The following SH3GL2 variants were observed in gnomAD, a reference collection of about 807,000 sequenced individuals.
SH3GL2 encodes SH3 domain containing GRB2 like 2, endophilin A1, also known as endophilin-A1.
Under a neutral mutation model 46.0 loss-of-function variants are expected in SH3GL2, and 24 were observed. That is an observed-to-expected ratio of 0.52 (90% CI 0.38 to 0.73). The LOEUF is 0.73. SH3GL2 is among the 30% of genes least tolerant of loss of function. SH3GL2 has a pLI of 0.00. For synonymous variants in SH3GL2, 196 were observed against 147.1 expected (o/e 1.33, Z -2.40); for missense variants, 413 against 424.2 (o/e 0.97, Z 0.23).
intron 1 of SH3GL2, among the ~76,000 whole-genome samples, chr9:17,692,649 A>AAT (rs1173737606): frequency 6.6e-6 from 1 of 151,886 alleles, no homozygotes; most frequent in Non-Finnish European, 1.5e-5. Context: ...ATCTCAAAAA[A>AAT]AAAAATTACT....
intron 1 of SH3GL2, among the ~76,000 whole-genome samples, chr9:17,708,003 A>C (rs1020923778): frequency 6.6e-6 from 1 of 152,092 alleles, no homozygotes; most frequent in Non-Finnish European, 1.5e-5. Flanking sequence ...TGATGTCCCC[A>C]TTATTGTAAA....
At chr9:17,664,692 T>C (rs1191334113) in intron 1 of SH3GL2, among the ~76,000 whole-genome samples, 1 of 151,356 alleles carries the variant, frequency 6.6e-6, no homozygotes, top group Non-Finnish European at 1.5e-5. Flanking sequence ...TATAGAAATA[T>C]TCTATAATAT....
chr9:17,733,863 C>A (rs979471693), intron 1 of SH3GL2, among the ~76,000 whole-genome samples: 1 of 138,808 alleles, frequency 7.2e-6, no homozygotes, highest in East Asian at 2.6e-4. Context: ...AGTAAACTAT[C>A]GCAAGAACAA....
intron 7 of SH3GL2, 41 bp from the exon 8 acceptor site, chr9:17,793,326 C>G: frequency 6.4e-7 from 1 of 1,566,128 alleles, no homozygotes; most frequent in Non-Finnish European, 8.7e-7. Flanking sequence ...TACTTCTTAA[C>G]TGGTTACATA....
At chr9:17,738,559 TACATACATATATATATAGAGAG>T (rs1822415422) in intron 1 of SH3GL2, among the ~76,000 whole-genome samples, 2 of 22,624 alleles carry the variant, frequency 8.8e-5, no homozygotes, top group African/African-American at 1.8e-4. Flanking sequence ...TGTGTGTATA[TACATACATATATATATAGAGAG>T]AGAGAGAGAG....
intron 1 of SH3GL2, among the ~76,000 whole-genome samples, chr9:17,611,911 A>G (rs576342686): frequency 1.3e-5 from 2 of 152,216 alleles, no homozygotes; most frequent in African/African-American, 4.8e-5. Context: ...ACTCTTTCCC[A>G]CCATAAAGTA....
chr9:17,787,498 T>A lies in SH3GL2; in HGVS notation c.450T>A (p.Asp150Glu), dbSNP rs376054581. 177 of 1,612,798 alleles carry A rather than the reference T, an allele frequency of 1.1e-4. No homozygotes were observed. The highest frequency in any genetic ancestry group is 1.4e-4 in the Non-Finnish European group (166 of 1,179,232). Residue 150 changes from aspartate (D) to glutamate (E), a missense_variant, in exon 5 of 9, where the codon GAT becomes GAA. Asp to Glu is a conservative substitution (Grantham distance 45). Transcript: ENST00000380607. ...CTCTTCAGAATCTTCATGACAAAGA[T>A]CTTAGGGAAATTCAAGTATGTACAA... Reference protein sequence around the residue: ...IDPLQNLHDKDLREIQHHLKK... With the variant: ...IDPLQNLHDKELREIQHHLKK...
At chr9:17,654,473 A>G (rs1185874378) in intron 1 of SH3GL2, among the ~76,000 whole-genome samples, 2 of 152,206 alleles carry the variant, frequency 1.3e-5, no homozygotes, top group African/African-American at 2.4e-5. Context: ...TGGCTAGACC[A>G]TTGAGAGTTT....
At chr9:17,708,155 C>G (rs543107974) in intron 1 of SH3GL2, among the ~76,000 whole-genome samples, 1 of 152,062 alleles carries the variant, frequency 6.6e-6, no homozygotes, top group Non-Finnish European at 1.5e-5. Flanking sequence ...TTCCCAAGGT[C>G]TTGGCTTCTT....
At chr9:17,698,628 A>G (rs1821266604) in intron 1 of SH3GL2, among the ~76,000 whole-genome samples, 1 of 152,214 alleles carries the variant, frequency 6.6e-6, no homozygotes, top group African/African-American at 2.4e-5. Context: ...AGAAAAGGAA[A>G]TAAGAGATTA....
chr9:17,785,653 G>A (rs1207050523), intron 3 of SH3GL2, among the ~76,000 whole-genome samples: 1 of 152,042 alleles, frequency 6.6e-6, no homozygotes, highest in East Asian at 1.9e-4. Flanking sequence ...TTTTAATAAA[G>A]CTGTTTTTGC....
chr9:17,795,688 A>T lies in SH3GL2; in HGVS notation c.1004A>T (p.His335Leu). The T allele has an allele frequency of 6.2e-7, 1 of 1,614,046 alleles. No individual in the cohort carries two copies. Among genetic ancestry groups the T allele is most frequent in the Non-Finnish European group, 8.5e-7 (1 of 1,179,944 alleles). The change falls in exon 9 of 9, where the codon CAT becomes CTT. Residue 335 changes from histidine (H) to leucine (L), a missense_variant. Physicochemically the swap from His to Leu is moderately conservative, Grantham distance 99. Around this residue, in one of 3 missense-constraint regions of SH3GL2, gnomAD observed 248 missense variants for 215.0 expected, o/e 1.15. Coordinates refer to ENST00000380607, the MANE Select transcript of SH3GL2 (RefSeq NM_003026.5). Reference protein sequence around the residue: ...ENWYEGMLHGHSGFFPINYVE... With the variant: ...ENWYEGMLHGLSGFFPINYVE... ...TGGTATGAGGGGATGCTGCATGGCC[A>T]TTCAGGCTTCTTCCCCATCAATTAT...
intron 3 of SH3GL2, among the ~76,000 whole-genome samples, chr9:17,779,993 C>T (rs1427539353): frequency 1.3e-5 from 2 of 152,196 alleles, no homozygotes; most frequent in African/African-American, 2.4e-5. Flanking sequence ...CTTGGCTGCA[C>T]ATTAGAATCG....
chr9:17,652,344 T>G (rs2134667948), intron 1 of SH3GL2, among the ~76,000 whole-genome samples: 1 of 152,152 alleles, frequency 6.6e-6, no homozygotes, highest in South Asian at 2.1e-4. Flanking sequence ...ATATGTGTTT[T>G]TATTTTATAT....
In SH3GL2 at chr9:17,789,470, G is replaced by T; in HGVS notation, c.544G>T (p.Glu182Ter). 2 of 1,613,496 alleles carry T rather than the reference G, an allele frequency of 1.2e-6. No individual in the cohort carries two copies. Among genetic ancestry groups the T allele is most frequent in the Non-Finnish European group, 1.7e-6 (2 of 1,179,586 alleles). ...ACGACAAGGCAAGATTCCGGATGAA[G>T]AGCTTCGTCAAGCTCTAGAGAAATT... is the stretch of plus-strand genomic sequence containing the variant. Reference protein sequence around the residue: ...KKRQGKIPDEELRQALEKFDE... With the variant: ...KKRQGKIPDE Residue 182 changes from glutamate (E) to a stop codon, truncating the protein, a stop_gained, in exon 6 of 9, where the codon GAG becomes TAG. Coordinates refer to ENST00000380607, the MANE Select transcript of SH3GL2 (RefSeq NM_003026.5). LOFTEE classifies it high-confidence loss of function.
chr9:17,668,914 T>C (rs1375566955), intron 1 of SH3GL2, among the ~76,000 whole-genome samples: 4 of 152,202 alleles, frequency 2.6e-5, no homozygotes, highest in African/African-American at 9.6e-5. Flanking sequence ...TGCCTTGGCA[T>C]CCGAGAGGGC....
chr9:17,742,389 CTT>C (rs1046333161), intron 1 of SH3GL2, among the ~76,000 whole-genome samples: 4 of 152,114 alleles, frequency 2.6e-5, no homozygotes, highest in African/African-American at 9.7e-5. Flanking sequence ...TGGTGGTCCT[CTT>C]TGACATTTTT....
chr9:17,697,664 C>G (rs900420345), intron 1 of SH3GL2, among the ~76,000 whole-genome samples: 6 of 152,198 alleles, frequency 3.9e-5, no homozygotes, highest in African/African-American at 1.2e-4. Flanking sequence ...TAGACATCCA[C>G]TAGTACATAA....
chr9:17,642,820 C>G (rs1029077173), intron 1 of SH3GL2, among the ~76,000 whole-genome samples: 6 of 152,066 alleles, frequency 3.9e-5, no homozygotes, highest in African/African-American at 1.4e-4. Context: ...TTAGGATTGT[C>G]TTGGCTATAT....
Sources: allele counts gnomAD v4.1 joint callset (sites outside exome capture counted in the v4.1 genomes callset), GRCh38; gene constraint gnomAD v4.1.1; regional missense constraint gnomAD v4.1.1; transcripts MANE v1.5; gene names NCBI Gene and HGNC (gene_info 2026-07-23, HGNC 2026-07-21).